The following CADPS2 variants were observed in gnomAD, a reference collection of about 807,000 sequenced individuals.
The protein encoded by CADPS2 is calcium-dependent secretion activator 2.
A neutral mutation model predicts 172.5 loss-of-function variants in CADPS2; 93 were observed. That is an observed-to-expected ratio of 0.54 (90% CI 0.46 to 0.64). CADPS2 has a LOEUF of 0.64. Among genes scored for constraint, CADPS2 ranks in the 30% least tolerant of loss-of-function variants. CADPS2 has a pLI of 0.00. For missense variants in CADPS2, 1,420 were observed against 1,565.9 expected, an observed-to-expected ratio of 0.91 and a Z score of 1.57; for synonymous variants, 546 against 555.2, an observed-to-expected ratio of 0.98 and a Z score of 0.23.
chr7:122,856,177 C>T (rs1382101422), intron 1 of CADPS2, among the ~76,000 whole-genome samples: 1 of 152,206 alleles, frequency 6.6e-6, no homozygotes, highest in African/African-American at 2.4e-5. Context: ...CAACATCCCA[C>T]TCCCTGTGTT....
At chr7:122,857,300 T>C (rs1815554295) in intron 1 of CADPS2, among the ~76,000 whole-genome samples, 1 of 152,198 alleles carries the variant, frequency 6.6e-6, no homozygotes, top group Non-Finnish European at 1.5e-5. Flanking sequence ...TTCCAAATAC[T>C]TTACTATAGG....
intron 6 of CADPS2, among the ~76,000 whole-genome samples, chr7:122,594,506 G>A (rs535112181): frequency 5.2e-4 from 79 of 151,822 alleles, no homozygotes; most frequent in Non-Finnish European, 9.4e-4. Context: ...CAGAATAATA[G>A]GATAAAATTG....
intron 1 of CADPS2, among the ~76,000 whole-genome samples, chr7:122,853,364 G>T (rs565939788): frequency 6.6e-6 from 1 of 152,328 alleles, no homozygotes; most frequent in East Asian, 1.9e-4. Context: ...GGGTGGCCCA[G>T]ATCCCGGGTT....
At chr7:122,807,951 C>T (rs35817302) in intron 1 of CADPS2, among the ~76,000 whole-genome samples, 32,735 of 151,994 alleles carry the variant, frequency 0.22, 3,769 homozygotes, top group Middle Eastern at 0.31. Flanking sequence ...CAACAAATGA[C>T]GTAGATATAA....
chr7:122,671,811 G>A (rs1347778443), intron 2 of CADPS2, among the ~76,000 whole-genome samples: 1 of 151,682 alleles, frequency 6.6e-6, no homozygotes, highest in Non-Finnish European at 1.5e-5. Context: ...TTTAGCAGAG[G>A]AGTAGTGAGT....
chr7:122,626,127 G>C (rs138283094), intron 4 of CADPS2, among the ~76,000 whole-genome samples: 8 of 152,134 alleles, frequency 5.3e-5, no homozygotes, highest in African/African-American at 1.9e-4. Flanking sequence ...ACACAGGACT[G>C]GGGTAACAAA....
chr7:122,695,508 A>C (rs2084957213), intron 2 of CADPS2, among the ~76,000 whole-genome samples: 1 of 152,214 alleles, frequency 6.6e-6, no homozygotes, highest in Non-Finnish European at 1.5e-5. Flanking sequence ...ATCTGTTTAC[A>C]ACATTCTAAA....
In CADPS2 at chr7:122,723,919, G is replaced by A. The variant is rs187212371; in HGVS notation, c.453+13036C>T. Among the ~76,000 whole-genome samples the A allele has an allele frequency of 3.5e-3, 525 of 151,472 alleles. 4 individuals carry two copies. The highest frequency in any genetic ancestry group is 0.012 in the African/African-American group (501 of 41,302). On this transcript the variant is annotated intron_variant, in intron 2 of 29. Transcript: ENST00000449022. ...TGGAAACCATCATTCTCAGCAAACT[G>A]TCACAAGGACAGAAATCCAAACACC...
intron 1 of CADPS2, among the ~76,000 whole-genome samples, chr7:122,755,076 G>A (rs1277814947): frequency 6.6e-6 from 1 of 152,064 alleles, no homozygotes; most frequent in Non-Finnish European, 1.5e-5. Flanking sequence ...TTTAAATGAA[G>A]AATGTCTTCA....
chr7:122,693,298 T>C (rs1383536748), intron 2 of CADPS2, among the ~76,000 whole-genome samples: 1 of 152,242 alleles, frequency 6.6e-6, no homozygotes, highest in African/African-American at 2.4e-5. Flanking sequence ...GTTGAAATTC[T>C]GCCCTTCATA....
intron 12 of CADPS2, among the ~76,000 whole-genome samples, chr7:122,475,769 T>A (rs1307197731): frequency 6.6e-6 from 1 of 152,148 alleles, no homozygotes; most frequent in Non-Finnish European, 1.5e-5. Flanking sequence ...ACATCTCACA[T>A]CAATGACAGA....
intron 20 of CADPS2, among the ~76,000 whole-genome samples, chr7:122,406,583 A>C (rs2046668109): frequency 6.6e-6 from 1 of 152,150 alleles, no homozygotes; most frequent in Non-Finnish European, 1.5e-5. Flanking sequence ...TGAGAAATGG[A>C]GTGAGGTCTA....
Position 122,702,713 on chromosome 7 carries a change from G to C in CADPS2, c.453+34242C>G. ...AAGCCTCAAAAGTCCAGATGAAACAGAACTATGCGTCGAAGGGGTAATTCT... is the reference window on the plus strand; with the variant it reads ...AAGCCTCAAAAGTCCAGATGAAACACAACTATGCGTCGAAGGGGTAATTCT... On this transcript the variant is annotated intron_variant, in intron 2 of 29. Transcript: ENST00000449022. 1 of 1,611,536 alleles carries C rather than the reference G, an allele frequency of 6.2e-7. No homozygotes were observed. Among genetic ancestry groups the C allele is most frequent in the African/African-American group, 1.3e-5 (1 of 74,986 alleles).
intron 4 of CADPS2, among the ~76,000 whole-genome samples, chr7:122,625,965 T>C (rs1449185828): frequency 1.3e-5 from 2 of 152,092 alleles, no homozygotes; most frequent in Non-Finnish European, 2.9e-5. Flanking sequence ...GAGAAAGCCA[T>C]GTAAATGTCA....
At chr7:122,392,030 G>T (rs148115308) in intron 22 of CADPS2, among the ~76,000 whole-genome samples, 262 of 152,198 alleles carry the variant, frequency 1.7e-3, no homozygotes, top group Non-Finnish European at 2.6e-3. Flanking sequence ...TTGTTATAAA[G>T]ATTAAATGAG....
chr7:122,544,209 AG>A (rs2063385532), intron 8 of CADPS2, among the ~76,000 whole-genome samples: 1 of 152,168 alleles, frequency 6.6e-6, no homozygotes, highest in South Asian at 2.1e-4. Context: ...GATAAAGTAC[AG>A]TATGTTTGTA....
At chr7:122,380,906 A>G (rs2042921857) in intron 24 of CADPS2, among the ~76,000 whole-genome samples, 1 of 152,108 alleles carries the variant, frequency 6.6e-6, no homozygotes, top group Admixed American at 6.6e-5. Flanking sequence ...TGCTTTCGAG[A>G]TAGCTTGAAG....
chr7:122,678,559 G>A (rs945008824), intron 2 of CADPS2, among the ~76,000 whole-genome samples: 1 of 152,202 alleles, frequency 6.6e-6, no homozygotes, highest in Admixed American at 6.5e-5. Flanking sequence ...GAAATCACAG[G>A]TGTGTGGGAA....
intron 8 of CADPS2, among the ~76,000 whole-genome samples, chr7:122,527,617 A>AGAGAGAGAGAGAGAGAGAGAGT: frequency 3.6e-5 from 3 of 83,884 alleles, no homozygotes; most frequent in Non-Finnish European, 7.8e-5. Flanking sequence ...AGAGAGAGAG[A>AGAGAGAGAGAGAGAGAGAGAGT]GTGTGTGTGT....
Sources: gnomAD v4.1 joint callset for allele counts (sites outside exome capture counted in the v4.1 genomes callset) on GRCh38, gnomAD v4.1.1 for gene constraint, MANE v1.5 for transcripts, NCBI Gene and HGNC (gene_info 2026-07-23, HGNC 2026-07-21) for gene names.